The following INTS3 variants were observed in gnomAD, a reference collection of about 807,000 sequenced individuals.
INTS3 encodes SOSS complex subunit A.
Under a neutral mutation model 146.3 loss-of-function variants are expected in INTS3, and 34 were observed. The ratio of observed to expected loss-of-function variants is 0.23; its 90% CI spans 0.18 to 0.31. INTS3 has a LOEUF of 0.31. Ranked by LOEUF, INTS3 falls within the 10% of genes least tolerant of loss-of-function variation. INTS3 has a pLI of 1.00. For synonymous variants in INTS3, 475 were observed against 494.9 expected, an observed-to-expected ratio of 0.96 and a Z score of 0.53; for missense variants, 757 against 1,304.2, an observed-to-expected ratio of 0.58 and a Z score of 6.46.
At chr1:153,742,478 C>CTGTGTGTGTGTGTGTGTGTG (rs35008806) in intron 3 of INTS3, among the ~76,000 whole-genome samples, 2,585 of 147,458 alleles carry the variant, frequency 0.018, 30 homozygotes, top group Middle Eastern at 0.045. Context: ...TTTTTAATCT[C>CTGTGTGTGTGTGTGTGTGTG]TGTGTGTGTG....
Position 153,740,948 on chromosome 1 carries a change from G to A in INTS3, c.234+214G>A, listed in dbSNP as rs77561546. Among the ~76,000 whole-genome samples the A allele has an allele frequency of 4.0e-3, 607 of 152,106 alleles. 8 individuals are homozygous for A. The highest frequency in any genetic ancestry group is 0.014 in the African/African-American group (585 of 41,482). On this transcript the variant is annotated intron_variant, in intron 2 of 29. Coordinates refer to ENST00000318967, the MANE Select transcript of INTS3 (RefSeq NM_023015.5). Reference sequence around the variant, plus strand: ...TTCAGTACAGCTTTTTATTTTTATAGCAATGTGGTCTCGCTATGTTGCCCA... The same window carrying A: ...TTCAGTACAGCTTTTTATTTTTATAACAATGTGGTCTCGCTATGTTGCCCA...
intron 4 of INTS3, 31 bp from the exon 5 acceptor site, chr1:153,747,248 C>T (rs747834081): frequency 1.9e-6 from 3 of 1,586,018 alleles, no homozygotes; most frequent in South Asian, 1.1e-5. Context: ...ACAGTTCCTG[C>T]TCTTCATCTG....
At chr1:153,770,840 C>CAT (rs1672821611) in intron 25 of INTS3, 107 bp downstream of exon 25, 5 of 867,038 alleles carry the variant, frequency 5.8e-6, no homozygotes, top group Non-Finnish European at 9.6e-6. Flanking sequence ...TTTTTCCTGT[C>CAT]GTTAACATCT....
At position 153,747,282 on chromosome 1, in the gene INTS3, G is replaced by A. The variant is rs770594389; in HGVS notation, c.436G>A (p.Val146Met). ...TGTTTTTCCCTCTTTCCTTTAGTTG[G>A]TGTGGTTGGTACGGGAACTGGTGAA... ...KLQDTCRTQL[V>M]WLVRELVKSG... The change falls in exon 5 of 30, where the codon GTG becomes ATG. Residue 146 changes from valine to methionine, a missense_variant. Physicochemically the swap from Val to Met is conservative, Grantham distance 21 (BLOSUM62 1). Coordinates refer to ENST00000318967, the MANE Select transcript of INTS3 (RefSeq NM_023015.5). The A allele has an allele frequency of 6.2e-7, 1 of 1,613,828 alleles. No individual in the cohort carries two copies. The highest frequency in any genetic ancestry group is 8.5e-7 in the Non-Finnish European group (1 of 1,179,742).
intron 14 of INTS3, 24 bp downstream of exon 14, chr1:153,761,700 A>C: frequency 7.1e-6 from 11 of 1,542,472 alleles, no homozygotes; most frequent in Non-Finnish European, 9.9e-6. Flanking sequence ...CCATTCCATC[A>C]CCTGTGTCAA....
At chr1:153,769,951 G>A in intron 23 of INTS3, 107 bp downstream of exon 23, 1 of 864,206 alleles carries the variant, frequency 1.2e-6, no homozygotes, top group East Asian at 2.5e-5. Flanking sequence ...GGGAAGTTAA[G>A]GGGAGAGAAT....
At position 153,760,351 on chromosome 1, in the gene INTS3, C is replaced by T; in HGVS notation, c.1278C>T (p.His426=). ...ILVMHHSMKP[H]PAITATLLDF... The stretch of plus-strand genomic sequence containing the variant: ...TCATGCACCACTCCATGAAGCCCCA[C>T]CCAGCCATCACTGCCACACTCCTGG... Residue 426 remains histidine, a synonymous_variant, in exon 12 of 30, where the codon CAC becomes CAT. Coordinates refer to ENST00000318967, the MANE Select transcript of INTS3 (RefSeq NM_023015.5). 1.2e-6 allele frequency: 2 copies of T among 1,614,018 alleles called. No homozygotes were observed. The highest frequency in any genetic ancestry group is 1.7e-6 in the Non-Finnish European group (2 of 1,179,978).
intron 24 of INTS3, 96 bp from the exon 25 acceptor site, chr1:153,770,589 A>C: frequency 9.7e-7 from 1 of 1,033,510 alleles, no homozygotes; most frequent in Non-Finnish European, 1.5e-6. Flanking sequence ...GACTGTCCTT[A>C]TTCCCTCCAG....
intron 25 of INTS3, among the ~76,000 whole-genome samples, 176 bp downstream of exon 25, chr1:153,770,909 G>GC (rs1230928383): frequency 2.0e-5 from 3 of 152,110 alleles, no homozygotes; most frequent in Non-Finnish European, 2.9e-5. Flanking sequence ...TGGGATCTGG[G>GC]CTTCCTCTCG....
intron 24 of INTS3, 89 bp from the exon 25 acceptor site, chr1:153,770,596 C>A: frequency 9.2e-7 from 1 of 1,082,758 alleles, no homozygotes; most frequent in Non-Finnish European, 1.4e-6. Flanking sequence ...CTTATTCCCT[C>A]CAGTGGCTGT....
intron 14 of INTS3, 66 bp downstream of exon 14, chr1:153,761,742 A>C: frequency 9.3e-7 from 1 of 1,072,482 alleles, no homozygotes; most frequent in Admixed American, 1.9e-5. Context: ...CCTTCAGGCC[A>C]GAGCCCCTTT....
chr1:153,729,590 GGGTGC>G (rs1056774736), intron 1 of INTS3, among the ~76,000 whole-genome samples: 1 of 152,126 alleles, frequency 6.6e-6, no homozygotes, highest in African/African-American at 2.4e-5. Flanking sequence ...GATCTAGGCT[GGGTGC>G]GGTGGCTCAC....
At chr1:153,770,094 TGTGTGTGTGC>T in intron 23 of INTS3, 94 bp from the exon 24 acceptor site, 1 of 449,118 alleles carries the variant, frequency 2.2e-6, no homozygotes, top group Non-Finnish European at 3.9e-6. Context: ...TGTGTGTGTG[TGTGTGTGTGC>T]TGGTAGTCAG....
At chr1:153,760,626 T>A in intron 12 of INTS3, 1 of 627,364 alleles carries the variant, frequency 1.6e-6, no homozygotes, top group South Asian at 2.0e-5. Flanking sequence ...CAAGGTAGAA[T>A]CTGGTTTCCT....
intron 5 of INTS3, chr1:153,747,593 C>T: frequency 1.7e-6 from 1 of 578,716 alleles, no homozygotes. Flanking sequence ...TCCTGCTAAA[C>T]CCAGGGCTTG....
chr1:153,770,297 A>G lies in INTS3; in HGVS notation c.2489A>G (p.His830Arg). The G allele has an allele frequency of 6.2e-7, 1 of 1,604,550 alleles. No homozygotes were observed. Among genetic ancestry groups the G allele is most frequent in the Non-Finnish European group, 8.5e-7 (1 of 1,171,366 alleles). Residue 830 changes from histidine (H) to arginine (R), a missense_variant, in exon 24 of 30, where the codon CAC (histidine) becomes CGC (arginine). Physicochemically the swap from His to Arg is conservative, Grantham distance 29. Transcript: ENST00000318967. The part of the protein sequence containing the change: ...PLETIIPILQ[H>R]LKYKEHPEAL... ...GAGACCATAATCCCCATCCTGCAGCACCTCAAATACAAGGGTGAGTAGGCT... is the reference window on the plus strand; with the variant it reads ...GAGACCATAATCCCCATCCTGCAGCGCCTCAAATACAAGGGTGAGTAGGCT...
intron 2 of INTS3, 74 bp from the exon 3 acceptor site, chr1:153,741,211 T>G: frequency 9.3e-7 from 1 of 1,078,668 alleles, no homozygotes; most frequent in Non-Finnish European, 1.4e-6. Context: ...TCCCATGTTT[T>G]CTGGGAGAAA....
chr1:153,748,509 T>C, intron 5 of INTS3, 180 bp from the exon 6 acceptor site: 1 of 668,190 alleles, frequency 1.5e-6, no homozygotes, highest in South Asian at 1.7e-5. Flanking sequence ...TTTCCTTCTT[T>C]CTGGAGGCAA....
At chr1:153,771,659 G>T in intron 25 of INTS3, 137 bp from the exon 26 acceptor site, 1 of 791,114 alleles carries the variant, frequency 1.3e-6, no homozygotes, top group Non-Finnish European at 2.0e-6. Flanking sequence ...GCATTCCTTG[G>T]CCTAAGGAGA....
Sources: allele counts gnomAD v4.1 joint callset (sites outside exome capture counted in the v4.1 genomes callset), GRCh38; gene constraint gnomAD v4.1.1; transcripts MANE v1.5; gene names NCBI Gene and HGNC (gene_info 2026-07-23, HGNC 2026-07-21).